TET2: variants seen among roughly 807,000 people sequenced by gnomAD.
TET2 encodes tet methylcytosine dioxygenase 2.
Under a neutral mutation model 142.9 loss-of-function variants are expected in TET2, and 299 were observed. The observed-to-expected ratio is 2.09, with a 90% confidence interval of 1.90 to 2.30. The LOEUF is 2.30. TET2 is among the 30% of genes most tolerant of loss of function. The pLI, the probability that TET2 is intolerant of heterozygous loss-of-function variation, is 0.00. For missense variants in TET2, 2,418 were observed against 2,378.0 expected (o/e 1.02, Z -0.35); for synonymous variants, 819 against 849.0 (o/e 0.96, Z 0.61).
intron 2 of TET2, among the ~76,000 whole-genome samples, chr4:105,201,731 C>CAT (rs1396705203): frequency 2.9e-5 from 3 of 104,698 alleles, no homozygotes; most frequent in Non-Finnish European, 3.9e-5. Flanking sequence ...TCATCCAGGA[C>CAT]CTTTTTTTTT....
At chr4:105,211,150 G>A (rs1727137166) in intron 2 of TET2, among the ~76,000 whole-genome samples, 5 of 152,268 alleles carry the variant, frequency 3.3e-5, no homozygotes, top group Admixed American at 3.3e-4. Flanking sequence ...CCCTCTAGCT[G>A]AATCATTCTT....
chr4:105,186,419 T>C (rs2110469002), intron 1 of TET2, among the ~76,000 whole-genome samples: 2 of 152,004 alleles, frequency 1.3e-5, no homozygotes, highest in Middle Eastern at 6.8e-3. Flanking sequence ...TAACTCTCAA[T>C]GTATCATGGC....
intron 1 of TET2, among the ~76,000 whole-genome samples, chr4:105,163,854 A>AGAGTGTGT (rs1553942671): frequency 7.9e-4 from 67 of 85,206 alleles, no homozygotes; most frequent in Middle Eastern, 6.0e-3. Flanking sequence ...AGAGAGAGAG[A>AGAGTGTGT]GTGTGTGTGT....
chr4:105,239,444 A>G (rs1295051334), intron 3 of TET2: 4 of 240,172 alleles, frequency 1.7e-5, no homozygotes, highest in Non-Finnish European at 2.6e-5. Context: ...CAGCTTCTAC[A>G]TCAGCACTTG....
In TET2 at chr4:105,235,590, C is replaced by A. The variant is rs572712965; in HGVS notation, c.1648C>A (p.Arg550=). 7 of 1,614,016 alleles carry A rather than the reference C, an allele frequency of 4.3e-6. No individual in the cohort carries two copies. The Admixed American group carries it at 1.2e-4, about 27-fold the overall frequency. Residue 550 remains arginine (R), a synonymous_variant, in exon 3 of 11, where the codon CGA becomes AGA. Transcript: ENST00000380013. ...ILKGRDKEQT[R]DLVPPTQHYL... Reference sequence around the variant, plus strand: ...GAAGGGTCGAGACAAGGAGCAAACACGAGATCTTGTGCCCCCAACACAGCA... The same window carrying A: ...GAAGGGTCGAGACAAGGAGCAAACAAGAGATCTTGTGCCCCCAACACAGCA...
In TET2 at chr4:105,248,936, A is replaced by G. The variant is rs544475337; in HGVS notation, c.3803+5158A>G. On this transcript the variant is annotated intron_variant, in intron 6 of 10. Coordinates refer to ENST00000380013, the MANE Select transcript of TET2 (RefSeq NM_001127208.3). The stretch of plus-strand genomic sequence containing the variant: ...TTGGCCTTTCTCTCTGGCTTCTTTC[A>G]TGTACCTCAATGTTTTCAAGTCTCA... Among the ~76,000 whole-genome samples the G allele has an allele frequency of 6.3e-4, 94 of 150,340 alleles. 1 individual carries two copies. The South Asian group carries it at 0.019, about 30-fold the overall frequency.
chr4:105,211,770 G>C (rs113938034), intron 2 of TET2, among the ~76,000 whole-genome samples: 248 of 152,318 alleles, frequency 1.6e-3, no homozygotes, highest in African/African-American at 5.7e-3. Flanking sequence ...ATGCATGCCT[G>C]TTTGGGGAAT....
intron 6 of TET2, among the ~76,000 whole-genome samples, chr4:105,247,528 A>T (rs1022788092): frequency 6.6e-6 from 1 of 152,108 alleles, no homozygotes; most frequent in African/African-American, 2.4e-5. Flanking sequence ...CTTTTTATTT[A>T]TAATAGCCCT....
intron 2 of TET2, among the ~76,000 whole-genome samples, chr4:105,219,033 CTT>C (rs1727659776): frequency 6.6e-6 from 1 of 151,982 alleles, no homozygotes; most frequent in East Asian, 1.9e-4. Context: ...ATATGATACT[CTT>C]TTAAAGCATC....
intron 2 of TET2, among the ~76,000 whole-genome samples, chr4:105,211,142 C>A (rs1460932669): frequency 6.6e-6 from 1 of 152,172 alleles, no homozygotes; most frequent in Admixed American, 6.5e-5. Context: ...CTTTTGTTCC[C>A]TCTAGCTGAA....
rs1426176087 is a variant in TET2 at position 105,275,809 on chromosome 4, A to G, written c.5299A>G (p.Ser1767Gly). The G allele has an allele frequency of 6.4e-7, 1 of 1,551,734 alleles. No individual in the cohort carries two copies. Among genetic ancestry groups the G allele is most frequent in the South Asian group, 1.2e-5 (1 of 84,060 alleles). ...HSPSHIIHNY[S>G]AAPGMFNSSL... ...ACCTTCTCACATAATCCATAACTACAGTGCAGCTCCGGGCATGTTCAACAG... is the reference window on the plus strand; with the variant it reads ...ACCTTCTCACATAATCCATAACTACGGTGCAGCTCCGGGCATGTTCAACAG... Residue 1767 changes from serine to glycine, a missense_variant, in exon 11 of 11, where the codon AGT (serine) becomes GGT (glycine). Ser to Gly is a moderately conservative substitution (Grantham distance 56). Transcript: ENST00000380013.
In TET2 at chr4:105,275,586, A is replaced by G. The variant is rs771367783; in HGVS notation, c.5076A>G (p.Lys1692=). ...GAAATAGCCAGAGTTTTACATCTAA[A>G]TACTTAGGTTATGGAAACCAAAATA... ...RFGNSQSFTS[K]YLGYGNQNMQ... Residue 1692 remains lysine, a synonymous_variant, in exon 11 of 11, where the codon AAA becomes AAG. Transcript: ENST00000380013. 33 of 1,551,716 alleles carry G rather than the reference A, an allele frequency of 2.1e-5. No homozygotes were observed. The South Asian group carries it at 3.7e-4, about 17-fold the overall frequency.
chr4:105,201,996 G>T (rs1726507595), intron 2 of TET2, among the ~76,000 whole-genome samples: 1 of 151,932 alleles, frequency 6.6e-6, no homozygotes, highest in Non-Finnish European at 1.5e-5. Context: ...ACCTGCCTCG[G>T]CTTCCCAAAG....
At chr4:105,183,731 T>A (rs1725258537) in intron 1 of TET2, among the ~76,000 whole-genome samples, 3 of 152,206 alleles carry the variant, frequency 2.0e-5, no homozygotes, top group Non-Finnish European at 4.4e-5. Context: ...GCTAAAAACC[T>A]AGCTCCCAAT....
At chr4:105,182,410 T>C (rs1172258228) in intron 1 of TET2, among the ~76,000 whole-genome samples, 1 of 152,238 alleles carries the variant, frequency 6.6e-6, no homozygotes, top group Non-Finnish European at 1.5e-5. Context: ...GTCTCATGCC[T>C]GGACATATGA....
chr4:105,242,400 C>T, intron 4 of TET2: 2 of 1,082,902 alleles, frequency 1.8e-6, no homozygotes, highest in South Asian at 4.5e-5. Context: ...TTGCCAGCCT[C>T]CTTTTCTAAA....
intron 6 of TET2, among the ~76,000 whole-genome samples, chr4:105,246,043 G>A (rs1729567606): frequency 6.6e-6 from 1 of 152,088 alleles, no homozygotes; most frequent in Admixed American, 6.6e-5. Context: ...TGATTCTCAT[G>A]CCACAGCCTC....
At chr4:105,226,958 C>T (rs1333997575) in intron 2 of TET2, among the ~76,000 whole-genome samples, 1 of 151,990 alleles carries the variant, frequency 6.6e-6, no homozygotes, top group Non-Finnish European at 1.5e-5. Flanking sequence ...AATAATATGG[C>T]ATGTATTTGA....
chr4:105,275,285 C>T lies in TET2; in HGVS notation c.4775C>T (p.Thr1592Ile), dbSNP rs1289659982. 1 of 1,552,206 alleles carries T rather than the reference C, an allele frequency of 6.4e-7. No homozygotes were observed. Among genetic ancestry groups the T allele is most frequent in the Non-Finnish European group, 8.7e-7 (1 of 1,147,088 alleles). Residue 1592 changes from threonine (T) to isoleucine (I), a missense_variant, in exon 11 of 11, where the codon ACC becomes ATC. By Grantham distance (89) the Thr-to-Ile change is moderately conservative (BLOSUM62 -1). Coordinates refer to ENST00000380013, the MANE Select transcript of TET2 (RefSeq NM_001127208.3). The stretch of plus-strand genomic sequence containing the variant: ...CACACTTCAGATATCTATGGAAGCA[C>T]CAGCCCTATGAACTTCTATTCCACC... The part of the protein sequence containing the change: ...SSHTSDIYGS[T>I]SPMNFYSTSS...
Sources: allele counts gnomAD v4.1 joint callset (sites outside exome capture counted in the v4.1 genomes callset), GRCh38; gene constraint gnomAD v4.1.1; transcripts MANE v1.5; gene names NCBI Gene and HGNC (gene_info 2026-07-23, HGNC 2026-07-21).